PHF12: variants seen among roughly 807,000 people sequenced by gnomAD.
The protein encoded by PHF12 is PHD finger protein 12, also known as PHD factor 1.
A neutral mutation model predicts 99.8 loss-of-function variants in PHF12; 6 were observed. That is an observed-to-expected ratio of 0.06 (90% CI 0.03 to 0.12). The LOEUF is 0.12. PHF12 is among the 10% of genes least tolerant of loss of function. PHF12 has a pLI of 1.00. For synonymous variants in PHF12, 480 were observed against 514.9 expected, an observed-to-expected ratio of 0.93 and a Z score of 0.92; for missense variants, 954 against 1,300.1, an observed-to-expected ratio of 0.73 and a Z score of 4.09.
chr17:28,924,871 A>T (rs2152667514), intron 3 of PHF12: 1 of 155,926 alleles, frequency 6.4e-6, no homozygotes, highest in Admixed American at 6.3e-5. Flanking sequence ...GAATCGCTTG[A>T]ACCTGGGAGG....
chr17:28,914,174 G>A lies in PHF12; in HGVS notation c.1135-137C>T, dbSNP rs543909064. On this transcript the variant is annotated intron_variant, in intron 7 of 14. Transcript: ENST00000332830. ...CACTCTGGGGTCTGCTGAGGAAAAG[G>A]AGGCTCAGAAATGGAAATAGCAGGT... The A allele has an allele frequency of 4.0e-6, 4 of 1,000,298 alleles. No homozygotes were observed. The South Asian group carries it at 7.3e-5, about 18-fold the overall frequency. 62.0% of individuals were successfully genotyped at this position (1,000,298 alleles called of 1,614,324 possible). A position where few individuals can be genotyped will look rare whatever the true frequency, so the allele number is the denominator to read the frequency against.
chr17:28,911,237 T>C lies in PHF12; in HGVS notation c.2090A>G (p.Asp697Gly), dbSNP rs534070919. Residue 697 changes from aspartate to glycine, a missense_variant and splice_region_variant, in exon 10 of 15, where the codon GAT becomes GGT. This residue lies in a region of PHF12 where 143 missense variants were observed against 191.8 expected (regional missense o/e 0.75). Transcript: ENST00000332830. The part of the protein sequence containing the change: ...QRFSSPAPSS[D>G]GKVSPGTLSI... ...TAACGTGCCGGGGCTGACCTTGCCA[T>C]CTGGGGACGGAGCAGGAAGACTGTT... The C allele has an allele frequency of 4.6e-5, 75 of 1,614,088 alleles. No individual in the cohort carries two copies. In the Middle Eastern group the frequency reaches 1.2e-3, roughly 25 times the overall value.
chr17:28,923,651 CACAAAAAAAAA>C (rs1208461971), intron 4 of PHF12, among the ~76,000 whole-genome samples: 1 of 21,958 alleles, frequency 4.6e-5, no homozygotes, highest in African/African-American at 2.3e-4. Context: ...AAGTGAGACT[CACAAAAAAAAA>C]AAAAAAAAAA....
In PHF12 at chr17:28,950,238, T is replaced by C; in HGVS notation, c.75A>G (p.Gln25=). Residue 25 remains glutamine (Q), a synonymous_variant, in exon 2 of 15, where the codon CAA becomes CAG. Transcript: ENST00000332830. This position sits in a 1 kb window ranked among gnomAD's most constrained non-coding sequence, Gnocchi z 5.7. ...CCGTCTTGGGGGGAGCCAGCAGAGC[T>C]TGGATTTGCTGCACACACATACAAA... ...DTSGGLMEQI[Q]ALLAPPKTDE... is the part of the protein sequence containing the mutation. 1 of 1,608,540 alleles carries C rather than the reference T, an allele frequency of 6.2e-7. No individual in the cohort carries two copies. The highest frequency in any genetic ancestry group is 8.5e-7 in the Non-Finnish European group (1 of 1,179,698).
chr17:28,947,887 CAA>C (rs5819857), intron 2 of PHF12, among the ~76,000 whole-genome samples: 1 of 142,482 alleles, frequency 7.0e-6, no homozygotes, highest in African/African-American at 2.6e-5. Flanking sequence ...TTCAATGCCT[CAA>C]AAAAAAAAAA....
chr17:28,950,905 C>T lies in PHF12; in HGVS notation c.56G>A (p.Gly19Glu), dbSNP rs982879830. Residue 19 changes from glycine to glutamate, a missense_variant, in exon 1 of 15, where the codon GGG becomes GAG. Transcript: ENST00000332830. This position sits in a 1 kb window ranked among gnomAD's most constrained non-coding sequence, Gnocchi z 5.7. ...GAGGGCCACTCTTACCTCCATCAGC[C>T]CCCCTGATGTGTCCAAGTCGTACAC... ...TIVYDLDTSG[G>E]LMEQIQALLA... 6.8e-6 allele frequency: 11 copies of T among 1,613,452 alleles called. No individual in the cohort carries two copies. Among genetic ancestry groups the T allele is most frequent in the Admixed American group, 3.3e-5 (2 of 59,960 alleles).
chr17:28,949,310 A>C lies in PHF12; in HGVS notation c.248+755T>G, dbSNP rs1022442651. On this transcript the variant is annotated intron_variant, in intron 2 of 14. Transcript: ENST00000332830. The surrounding 1 kb of genome is among the most constrained non-coding windows in gnomAD (Gnocchi z 4.6). ...AGAGGCAGCGGCGCCGGGAGGGAGG[A>C]GGGAAGAGGGAGGAGGAAGGAAGGC... 2.6e-5 allele frequency among the ~76,000 whole-genome samples: 4 copies of C among 151,758 alleles called. No homozygotes were observed. The East Asian group carries it at 7.7e-4, about 29-fold the overall frequency.
intron 3 of PHF12, 127 bp downstream of exon 3, chr17:28,926,864 G>A (rs747600030): frequency 1.3e-6 from 2 of 1,561,066 alleles, no homozygotes; most frequent in Non-Finnish European, 1.7e-6. Context: ...AGAGTGGGGT[G>A]ATTCCAGGGC....
Position 28,951,213 on chromosome 17 carries a change from C to T in PHF12, c.-253G>A, listed in dbSNP as rs1048603820. The T allele has an allele frequency of 3.5e-5, 48 of 1,364,314 alleles. No homozygotes were observed. In the African/African-American group the frequency reaches 6.2e-4, roughly 18 times the overall value. 84.5% of individuals were successfully genotyped at this position (1,364,314 alleles called of 1,614,324 possible). On this transcript the variant is annotated 5_prime_UTR_variant, in exon 1 of 15. Transcript: ENST00000332830. ...CTGCTGGCTGCACAGTGGGTCCCGG[C>T]TCCGGGGGTCAGGCCTCGGCGGGGC...
chr17:28,919,073 A>G, intron 6 of PHF12, 70 bp downstream of exon 6: 2 of 1,514,324 alleles, frequency 1.3e-6, no homozygotes, highest in Non-Finnish European at 1.8e-6. Context: ...TGACCTTAAT[A>G]TGCTTTCTGC....
At chr17:28,945,896 G>T (rs1270079572) in intron 2 of PHF12, among the ~76,000 whole-genome samples, 1 of 152,152 alleles carries the variant, frequency 6.6e-6, no homozygotes, top group Non-Finnish European at 1.5e-5. Flanking sequence ...AGCTCTTTGG[G>T]AGGCCGAGGC....
At position 28,924,057 on chromosome 17, in the gene PHF12, G is replaced by A. The variant is rs147951854; in HGVS notation, c.567C>T (p.Asp189=). 1.7e-5 allele frequency: 27 copies of A among 1,614,074 alleles called. No individual in the cohort carries two copies. The highest frequency in any genetic ancestry group is 1.6e-4 in the Middle Eastern group (1 of 6,084). Reference sequence around the variant, plus strand: ...CCGCTGCTACTGGTTCCTCATCCACGTCAATGATGTCTTCGTCGACATCAT... The same window carrying A: ...CCGCTGCTACTGGTTCCTCATCCACATCAATGATGTCTTCGTCGACATCAT... ...EQNDVDEDII[D]VDEEPVAAEP... Residue 189 remains aspartate (D), a synonymous_variant, in exon 4 of 15, where the codon GAC becomes GAT. Coordinates refer to ENST00000332830, the MANE Select transcript of PHF12 (RefSeq NM_001033561.2).
rs746713587 is a variant in PHF12, at chr17:28,913,039, G to A, written c.1532C>T (p.Pro511Leu). The change falls in exon 9 of 15, where the codon CCC becomes CTC. Residue 511 changes from proline (P) to leucine (L), a missense_variant. Transcript: ENST00000332830. ...GTCCTCTAGGGCTGGGGACTGGTGGGGTGGAGAGCAGCTCAGGGAATTCTG... is the reference window on the plus strand; with the variant it reads ...GTCCTCTAGGGCTGGGGACTGGTGGAGTGGAGAGCAGCTCAGGGAATTCTG... ...STQNSLSCSP[P>L]HQSPALEDIG... The A allele has an allele frequency of 6.8e-6, 11 of 1,614,206 alleles. No homozygotes were observed. In the Admixed American group the frequency reaches 1.8e-4, roughly 27 times the overall value.
chr17:28,945,642 C>A (rs1002485578), intron 2 of PHF12, among the ~76,000 whole-genome samples: 2 of 152,144 alleles, frequency 1.3e-5, no homozygotes, highest in Non-Finnish European at 2.9e-5. Flanking sequence ...ATTACTGATG[C>A]CCCATGGTAT....
At position 28,924,242 on chromosome 17, in the gene PHF12, G is replaced by A. The variant is rs368031772; in HGVS notation, c.382C>T (p.Arg128Trp). 9 of 1,614,058 alleles carry A rather than the reference G, an allele frequency of 5.6e-6. No individual in the cohort carries two copies. Among genetic ancestry groups the A allele is most frequent in the African/African-American group, 2.7e-5 (2 of 74,892 alleles). ...VNGLVDKSGK[R>W]TTSPSSDTDL... ...GTGTCACTGCTGGGGGATGTAGTCC[G>A]TTTGCCAGATTTGTCCACCAGTCCA... The change falls in exon 4 of 15, where the codon CGG becomes TGG. Residue 128 changes from arginine (R) to tryptophan (W), a missense_variant. By Grantham distance (101) the Arg-to-Trp change is moderately radical. Transcript: ENST00000332830.
intron 11 of PHF12, chr17:28,909,176 G>T: frequency 2.6e-6 from 1 of 387,438 alleles, no homozygotes. Flanking sequence ...GGATATTCCA[G>T]CTGGTACTAT....
At chr17:28,941,652 C>T (rs2040618071) in intron 2 of PHF12, among the ~76,000 whole-genome samples, 1 of 152,022 alleles carries the variant, frequency 6.6e-6, no homozygotes, top group Non-Finnish European at 1.5e-5. Flanking sequence ...CTCTTGGTGC[C>T]CAGGCTAGAG....
At position 28,913,099 on chromosome 17, in the gene PHF12, T is replaced by C. The variant is rs1217928434; in HGVS notation, c.1472A>G (p.His491Arg). Residue 491 changes from histidine (H) to arginine (R), a missense_variant, in exon 9 of 15, where the codon CAC becomes CGC. His to Arg is a conservative substitution (Grantham distance 29). Coordinates refer to ENST00000332830, the MANE Select transcript of PHF12 (RefSeq NM_001033561.2). The part of the protein sequence containing the change: ...QTADKTPTPS[H>R]YPLSCPSGIS... The stretch of plus-strand genomic sequence containing the variant: ...CCCTGAGGGGCAGGACAAGGGGTAG[T>C]GGGAAGGTGTAGGTGTCTTGTCAGC... The C allele has an allele frequency of 6.2e-7, 1 of 1,614,058 alleles. No individual in the cohort carries two copies. Among genetic ancestry groups the C allele is most frequent in the Admixed American group, 1.7e-5 (1 of 60,006 alleles).
chr17:28,909,022 C>A, intron 11 of PHF12, 141 bp from the exon 12 acceptor site: 1 of 741,456 alleles, frequency 1.3e-6, no homozygotes, highest in Admixed American at 2.2e-5. Flanking sequence ...TCACATCCAA[C>A]ACTGAGCTGC....
Sources: allele counts gnomAD v4.1 joint callset (sites outside exome capture counted in the v4.1 genomes callset), GRCh38; gene constraint gnomAD v4.1.1; regional missense constraint gnomAD v4.1.1; non-coding constraint Gnocchi (gnomAD v3.1); transcripts MANE v1.5; gene names NCBI Gene and HGNC (gene_info 2026-07-23, HGNC 2026-07-21).